The following TAFA1 variants were observed in gnomAD, a reference collection of about 807,000 sequenced individuals.
The protein encoded by TAFA1 is TAFA chemokine like family member 1.
Under a neutral mutation model 18.5 loss-of-function variants are expected in TAFA1, and 4 were observed. That is an observed-to-expected ratio of 0.22 (90% confidence interval 0.11 to 0.49). The LOEUF is 0.49. Among genes scored for constraint, TAFA1 ranks in the 20% least tolerant of loss-of-function variants. The pLI, the probability that TAFA1 is intolerant of heterozygous loss-of-function variation, is 0.98. For missense variants in TAFA1, 147 were observed against 169.0 expected, an observed-to-expected ratio of 0.87 and a Z score of 0.72; for synonymous variants, 56 against 55.2, an observed-to-expected ratio of 1.01 and a Z score of -0.06.
chr3:68,042,869 T>C (rs1043987084), intron 2 of TAFA1, among the ~76,000 whole-genome samples: 25 of 152,106 alleles, frequency 1.6e-4, no homozygotes, highest in African/African-American at 5.6e-4. Context: ...CCATTTAAAT[T>C]GTGCCATTCT....
At chr3:68,405,699 C>CCAAAAAAAAAAAAAA (rs1559655011) in intron 2 of TAFA1, among the ~76,000 whole-genome samples, 2 of 32,850 alleles carry the variant, frequency 6.1e-5, no homozygotes, top group Non-Finnish European at 1.6e-4. Flanking sequence ...GACTCTATCT[C>CCAAAAAAAAAAAAAA]AAAAAAAAAA....
chr3:68,201,620 T>C (rs142487575), intron 2 of TAFA1, among the ~76,000 whole-genome samples: 16 of 151,926 alleles, frequency 1.1e-4, no homozygotes, highest in African/African-American at 3.4e-4. Flanking sequence ...TTCTTTATCA[T>C]TGTGCAATGT....
chr3:68,141,244 T>C (rs1356365744), intron 2 of TAFA1, among the ~76,000 whole-genome samples: 6 of 152,178 alleles, frequency 3.9e-5, no homozygotes, highest in Non-Finnish European at 8.8e-5. Flanking sequence ...AAGCAACATT[T>C]ATGTGGCCCC....
intron 2 of TAFA1, among the ~76,000 whole-genome samples, chr3:68,322,270 C>G (rs34485001): frequency 0.14 from 21,021 of 152,124 alleles, 1,722 homozygotes; most frequent in East Asian, 0.32. Context: ...TTTTAACATA[C>G]TCATTAAATT....
intron 2 of TAFA1, among the ~76,000 whole-genome samples, chr3:68,347,984 C>G (rs2106767577): frequency 6.6e-6 from 1 of 152,228 alleles, no homozygotes; most frequent in Non-Finnish European, 1.5e-5. Flanking sequence ...CAACCAAAAT[C>G]AGTGAGACTT....
chr3:68,388,802 A>G (rs2070164054), intron 2 of TAFA1, among the ~76,000 whole-genome samples: 1 of 152,054 alleles, frequency 6.6e-6, no homozygotes, highest in Non-Finnish European at 1.5e-5. Context: ...GTCAGAAGGG[A>G]CCTTTTGGAT....
intron 3 of TAFA1, among the ~76,000 whole-genome samples, chr3:68,451,809 A>G (rs908696528): frequency 1.3e-5 from 2 of 152,214 alleles, no homozygotes; most frequent in African/African-American, 2.4e-5. Context: ...AGGTGGTGAT[A>G]TGAAATGGGT....
At chr3:68,122,477 A>G (rs1026011466) in intron 2 of TAFA1, among the ~76,000 whole-genome samples, 68 of 152,314 alleles carry the variant, frequency 4.5e-4, no homozygotes, top group African/African-American at 1.6e-3. Flanking sequence ...AAGACAATAG[A>G]ATGAAAAGAT....
chr3:68,300,259 C>G (rs2068279203), intron 2 of TAFA1, among the ~76,000 whole-genome samples: 1 of 127,332 alleles, frequency 7.9e-6, no homozygotes, highest in African/African-American at 2.9e-5. Context: ...TAAGCATGAC[C>G]TGGATGTGAG....
At chr3:68,461,360 C>CACATATATATATATATAT (rs2071774822) in intron 3 of TAFA1, among the ~76,000 whole-genome samples, 1 of 106,624 alleles carries the variant, frequency 9.4e-6, no homozygotes, top group African/African-American at 4.1e-5. Flanking sequence ...AATGAAAGTG[C>CACATATATATATATATAT]ATATATATAT....
intron 2 of TAFA1, among the ~76,000 whole-genome samples, chr3:68,056,031 C>T (rs908596632): frequency 2.0e-5 from 3 of 152,098 alleles, no homozygotes; most frequent in Admixed American, 1.3e-4. Context: ...GTACTTGGTC[C>T]AACTATCCAA....
chr3:68,290,638 T>A (rs778549010), intron 2 of TAFA1, among the ~76,000 whole-genome samples: 1 of 152,128 alleles, frequency 6.6e-6, no homozygotes, highest in Non-Finnish European at 1.5e-5. Flanking sequence ...CTAATTACCT[T>A]ACTATCCTAT....
intron 2 of TAFA1, among the ~76,000 whole-genome samples, chr3:68,191,979 A>T (rs902041622): frequency 6.6e-6 from 1 of 151,866 alleles, no homozygotes; most frequent in African/African-American, 2.4e-5. Flanking sequence ...AGTTCTAAGT[A>T]TAGGATCTCT....
chr3:68,305,946 T>C (rs1268520919), intron 2 of TAFA1, among the ~76,000 whole-genome samples: 1 of 152,196 alleles, frequency 6.6e-6, no homozygotes, highest in East Asian at 1.9e-4. Flanking sequence ...GCACCTAGAA[T>C]AATACTTTGT....
At chr3:68,069,522 C>T (rs55780642) in intron 2 of TAFA1, among the ~76,000 whole-genome samples, 5,883 of 152,204 alleles carry the variant, frequency 0.039, 159 homozygotes, top group East Asian at 0.1. Flanking sequence ...ACAGCCAAAC[C>T]GTATCATTCC....
chr3:68,380,129 G>C (rs1471084211), intron 2 of TAFA1, among the ~76,000 whole-genome samples: 1 of 152,056 alleles, frequency 6.6e-6, no homozygotes, highest in Non-Finnish European at 1.5e-5. Context: ...AGTATTCCAT[G>C]GTGTATATGT....
intron 3 of TAFA1, among the ~76,000 whole-genome samples, chr3:68,423,155 A>G (rs1302602551): frequency 6.6e-6 from 1 of 152,100 alleles, no homozygotes; most frequent in Non-Finnish European, 1.5e-5. Context: ...CAAAGTTGTA[A>G]AAATAATGGA....
chr3:68,217,773 A>G (rs1034945735), intron 2 of TAFA1, among the ~76,000 whole-genome samples: 1 of 151,916 alleles, frequency 6.6e-6, no homozygotes, highest in African/African-American at 2.4e-5. Context: ...CGTGTTTTTC[A>G]AACCCTTTAT....
chr3:68,371,811 G>A (rs2069712209), intron 2 of TAFA1, among the ~76,000 whole-genome samples: 2 of 152,196 alleles, frequency 1.3e-5, no homozygotes, highest in Admixed American at 1.3e-4. Context: ...AAGAGTGTTA[G>A]AGAATGTTGA....
Sources: allele counts gnomAD v4.1 joint callset (sites outside exome capture counted in the v4.1 genomes callset), GRCh38; gene constraint gnomAD v4.1.1; transcripts MANE v1.5; gene names NCBI Gene and HGNC (gene_info 2026-07-23, HGNC 2026-07-21).